Variants in CSMD3 observed in about 807,000 individuals in gnomAD.
CSMD3 encodes the protein CUB and sushi domain-containing protein 3.
Under a neutral mutation model 435.2 loss-of-function variants are expected in CSMD3, and 177 were observed. That is an observed-to-expected ratio of 0.41 (90% confidence interval 0.36 to 0.46). CSMD3 has a LOEUF of 0.46. Ranked by LOEUF, CSMD3 falls within the 20% of genes least tolerant of loss-of-function variation. The pLI, the probability that CSMD3 is intolerant of heterozygous loss-of-function variation, is 0.34. For synonymous variants in CSMD3, 1,656 were observed against 1,520.5 expected, an observed-to-expected ratio of 1.09 and a Z score of -2.07; for missense variants, 4,265 against 4,504.6, an observed-to-expected ratio of 0.95 and a Z score of 1.52.
Position 112,493,571 on chromosome 8 carries a change from T to A in CSMD3, c.5084-888A>T, listed in dbSNP as rs544502119. Among the ~76,000 whole-genome samples the A allele has an allele frequency of 3.7e-4, 56 of 152,264 alleles. 1 individual carries two copies. The highest frequency in any genetic ancestry group is 1.3e-3 in the African/African-American group (56 of 41,574). The stretch of plus-strand genomic sequence containing the variant: ...AATAGCAAAATCCAAACCACAGTAT[T>A]TTTTGACAGATTTTCTATCCCTATG... On this transcript the variant is annotated intron_variant, in intron 30 of 70. Coordinates refer to ENST00000297405, the MANE Select transcript of CSMD3 (RefSeq NM_198123.2).
At chr8:112,728,447 C>T (rs2077010252) in intron 13 of CSMD3, among the ~76,000 whole-genome samples, 1 of 151,690 alleles carries the variant, frequency 6.6e-6, no homozygotes, top group Non-Finnish European at 1.5e-5. Context: ...TATACAAAAC[C>T]AAAACTTCCT....
rs1812384012 is a variant in CSMD3 at position 112,224,339 on chromosome 8, A to C, written c.*432T>G. On this transcript the variant is annotated 3_prime_UTR_variant, in exon 71 of 71. Transcript: ENST00000297405. ...AAAGACAGATTTGTGGGCGTGATGT[A>C]GCTCAGGACAGTTAAAGAGAAGTCA... is the stretch of plus-strand genomic sequence containing the variant. 5.6e-6 allele frequency: 1 copy of C among 177,856 alleles called. No homozygotes were observed. Among genetic ancestry groups the C allele is most frequent in the Non-Finnish European group, 1.2e-5 (1 of 82,094 alleles). 11.0% of individuals were successfully genotyped at this position (177,856 alleles called of 1,614,324 possible).
At chr8:113,145,453 CCTTT>C (rs1356740849) in intron 4 of CSMD3, among the ~76,000 whole-genome samples, 1 of 151,532 alleles carries the variant, frequency 6.6e-6, no homozygotes, top group Non-Finnish European at 1.5e-5. Context: ...ACAATTCTCT[CCTTT>C]CTTCTTAATT....
intron 1 of CSMD3, among the ~76,000 whole-genome samples, chr8:113,349,510 A>G (rs1403131410): frequency 6.6e-6 from 1 of 152,118 alleles, no homozygotes. Context: ...GGCTGGGCAC[A>G]GTGGCTCATA....
intron 45 of CSMD3, among the ~76,000 whole-genome samples, chr8:112,322,441 C>T (rs144999210): frequency 1.3e-4 from 19 of 151,982 alleles, no homozygotes; most frequent in African/African-American, 4.6e-4. Flanking sequence ...AAATGTGTCC[C>T]TAGAAGCTAA....
intron 22 of CSMD3, among the ~76,000 whole-genome samples, chr8:112,609,201 CAAAAAAAAA>C (rs71566035): frequency 4.4e-4 from 19 of 43,096 alleles, no homozygotes; most frequent in South Asian, 2.0e-3. Context: ...GATACTGCCT[CAAAAAAAAA>C]AAAAAAAAAA....
chr8:112,326,395 G>A (rs1163615016), intron 45 of CSMD3, among the ~76,000 whole-genome samples: 5 of 152,042 alleles, frequency 3.3e-5, no homozygotes, highest in South Asian at 2.1e-4. Flanking sequence ...TTCAAATCTC[G>A]GTCTGCTGTT....
At chr8:112,500,235 C>A (rs1482642984) in intron 30 of CSMD3, among the ~76,000 whole-genome samples, 1 of 151,872 alleles carries the variant, frequency 6.6e-6, no homozygotes, top group Non-Finnish European at 1.5e-5. Flanking sequence ...ACAGTGTTAA[C>A]AAAAATATGC....
chr8:112,358,026 G>A (rs925491597), intron 38 of CSMD3, among the ~76,000 whole-genome samples: 4 of 152,278 alleles, frequency 2.6e-5, no homozygotes, highest in Non-Finnish European at 2.9e-5. Flanking sequence ...ACAGGAGTGA[G>A]GCTGTACCCT....
intron 27 of CSMD3, 113 bp from the exon 28 acceptor site, chr8:112,517,338 C>G: frequency 1.4e-6 from 1 of 689,836 alleles, no homozygotes; most frequent in Non-Finnish European, 2.5e-6. Flanking sequence ...TTTTTAAATG[C>G]TATACAATAA....
rs181525481 is a variant in CSMD3 at position 112,524,671 on chromosome 8, A to C, written c.4565-7446T>G. Among the ~76,000 whole-genome samples, 508 of 152,136 alleles carry C rather than the reference A, an allele frequency of 3.3e-3. 1 individual carries two copies. The highest frequency in any genetic ancestry group is 0.012 in the African/African-American group (486 of 41,574). ...TTATTAAGCATGAAACAAGAAGCTAAAAGTAAATAAAATTATATAATTAAA... is the reference window on the plus strand; with the variant it reads ...TTATTAAGCATGAAACAAGAAGCTACAAGTAAATAAAATTATATAATTAAA... On this transcript the variant is annotated intron_variant, in intron 27 of 70. Transcript: ENST00000297405.
rs1814513231 is a variant in CSMD3, at chr8:112,244,534, T to C, written c.10262A>G (p.Asn3421Ser). The stretch of plus-strand genomic sequence containing the variant: ...AGATGGAAGGTCCATCCCTACGACA[T>C]TTGCATGAGCAGGAGTTTCTGGCTG... ...CKQPETPAHA[N>S]VVGMDLPSHG... is the part of the protein sequence containing the mutation. The change falls in exon 65 of 71, where the codon AAT (asparagine) becomes AGT (serine). Residue 3421 changes from asparagine to serine, a missense_variant. By Grantham distance (46) the Asn-to-Ser change is conservative (BLOSUM62 1). Transcript: ENST00000297405. 3 of 1,613,874 alleles carry C rather than the reference T, an allele frequency of 1.9e-6. No individual in the cohort carries two copies. The highest frequency in any genetic ancestry group is 2.2e-5 in the South Asian group (2 of 91,086).
At position 112,645,160 on chromosome 8, in the gene CSMD3, A is replaced by G; in HGVS notation, c.3259T>C (p.Tyr1087His). 1 of 1,609,320 alleles carries G rather than the reference A, an allele frequency of 6.2e-7. No homozygotes were observed. Among genetic ancestry groups the G allele is most frequent in the Non-Finnish European group, 8.5e-7 (1 of 1,175,724 alleles). ...CATGTACAATTCAGAGAATTTGGAT[A>G]AAATTCCGGGTAACCAGGTGATAAG... is the stretch of plus-strand genomic sequence containing the variant. ...TILSPGYPEF[Y>H]PNSLNCTWTV... Residue 1087 changes from tyrosine to histidine, a missense_variant, in exon 20 of 71, where the codon TAT (tyrosine) becomes CAT (histidine). Around this residue, in one of 3 missense-constraint regions of CSMD3, gnomAD observed 3,255 missense variants for 3,380.2 expected, o/e 0.96. Coordinates refer to ENST00000297405, the MANE Select transcript of CSMD3 (RefSeq NM_198123.2).
In CSMD3 at chr8:112,336,668, C is replaced by T. The variant is rs762055349; in HGVS notation, c.7003G>A (p.Asp2335Asn). Residue 2335 changes from aspartate to asparagine, a missense_variant, in exon 44 of 71, where the codon GAT (aspartate) becomes AAT (asparagine). Physicochemically the swap from Asp to Asn is conservative, Grantham distance 23. Around this residue, in one of 3 missense-constraint regions of CSMD3, gnomAD observed 3,255 missense variants for 3,380.2 expected, o/e 0.96. Coordinates refer to ENST00000297405, the MANE Select transcript of CSMD3 (RefSeq NM_198123.2). ...CTGACTTACCATACAGTAATGAAAT[C>T]ATATATTGGTTCTGTTTGAAGGACA... ...FTVLQTEPIY[D>N]FITVWDGPDQ... The T allele has an allele frequency of 6.2e-7, 1 of 1,610,532 alleles. No homozygotes were observed. Among genetic ancestry groups the T allele is most frequent in the Non-Finnish European group, 8.5e-7 (1 of 1,177,008 alleles).
At chr8:113,380,434 G>A (rs969924263) in intron 1 of CSMD3, among the ~76,000 whole-genome samples, 1 of 151,918 alleles carries the variant, frequency 6.6e-6, no homozygotes, top group Non-Finnish European at 1.5e-5. Flanking sequence ...CTGCATGTGT[G>A]TTTCCTTTTT....
intron 13 of CSMD3, among the ~76,000 whole-genome samples, chr8:112,738,763 T>A (rs1444916708): frequency 6.6e-6 from 1 of 151,720 alleles, no homozygotes; most frequent in African/African-American, 2.4e-5. Flanking sequence ...ACCATTGCAA[T>A]TAAAACTTAA....
chr8:112,520,495 G>C (rs1181013909), intron 27 of CSMD3, among the ~76,000 whole-genome samples: 1 of 151,770 alleles, frequency 6.6e-6, no homozygotes, highest in Non-Finnish European at 1.5e-5. Context: ...TCCTACTAGT[G>C]GAACTCTGAC....
chr8:112,319,324 C>G (rs16883408), intron 46 of CSMD3, among the ~76,000 whole-genome samples: 6,057 of 152,018 alleles, frequency 0.04, 399 homozygotes, highest in African/African-American at 0.14. Context: ...CTTTGTGTGT[C>G]TCAACCAAAA....
At chr8:113,015,303 G>C (rs1238762625) in intron 6 of CSMD3, among the ~76,000 whole-genome samples, 6 of 151,992 alleles carry the variant, frequency 3.9e-5, no homozygotes, top group Non-Finnish European at 8.8e-5. Flanking sequence ...TAGCCTATTT[G>C]AGAATCTATG....
Sources: gnomAD v4.1 joint callset for allele counts (sites outside exome capture counted in the v4.1 genomes callset) on GRCh38, gnomAD v4.1.1 for gene constraint, gnomAD v4.1.1 regional missense constraint, MANE v1.5 for transcripts, NCBI Gene and HGNC (gene_info 2026-07-23, HGNC 2026-07-21) for gene names.